The following LRRC4C variants were observed in gnomAD, a reference collection of about 807,000 sequenced individuals.
LRRC4C encodes leucine-rich repeat-containing protein 4C.
Under a neutral mutation model 33.6 loss-of-function variants are expected in LRRC4C, and 5 were observed. That is an observed-to-expected ratio of 0.15 (90% CI 0.08 to 0.31). The LOEUF (loss-of-function observed/expected upper bound fraction) is 0.31. LRRC4C is among the 10% of genes least tolerant of loss of function. The pLI is 1.00. For synonymous variants in LRRC4C, 329 were observed against 302.0 expected, an observed-to-expected ratio of 1.09 and a Z score of -0.93; for missense variants, 560 against 796.7, an observed-to-expected ratio of 0.70 and a Z score of 3.58.
chr11:41,134,265 G>A lies in LRRC4C; in HGVS notation c.-495-200542C>T, dbSNP rs571144747. ...GAGCACACTACTACAACCAGATAAT[G>A]TATTTATTTCTTTATTTTTGTAGAG... On this transcript the variant is annotated intron_variant, in intron 1 of 6. Coordinates refer to ENST00000528697, the MANE Select transcript of LRRC4C (RefSeq NM_001258419.2). Among the ~76,000 whole-genome samples the A allele has an allele frequency of 4.6e-5, 7 of 151,890 alleles. 1 individual carries two copies. The highest frequency in any genetic ancestry group is 1.3e-4 in the Admixed American group (2 of 15,224).
intron 6 of LRRC4C, among the ~76,000 whole-genome samples, chr11:40,137,198 G>A (rs1857041832): frequency 6.6e-6 from 1 of 151,792 alleles, no homozygotes; most frequent in Admixed American, 6.6e-5. Context: ...GTGTATGTGA[G>A]AATAGGAACT....
intron 1 of LRRC4C, among the ~76,000 whole-genome samples, chr11:41,099,834 C>T (rs774160230): frequency 2.0e-5 from 3 of 151,974 alleles, no homozygotes; most frequent in Admixed American, 6.6e-5. Context: ...GAATTTCTGG[C>T]CAGAGCAGTC....
At chr11:40,342,740 A>G (rs959017021) in intron 3 of LRRC4C, among the ~76,000 whole-genome samples, 32 of 152,194 alleles carry the variant, frequency 2.1e-4, no homozygotes, top group Non-Finnish European at 4.3e-4. Context: ...CTCATTTAAA[A>G]GCACATTTTC....
intron 3 of LRRC4C, among the ~76,000 whole-genome samples, chr11:40,505,272 G>A (rs184140745): frequency 6.6e-6 from 1 of 152,044 alleles, no homozygotes; most frequent in African/African-American, 2.4e-5. Flanking sequence ...ATTTCCATTG[G>A]CTCCTTAGGA....
At position 40,936,042 on chromosome 11, in the gene LRRC4C, ATATATATATATATATATATATAT is replaced by A. The variant is rs1565219293; in HGVS notation, c.-495-2342_-495-2320del. ...TATATATATATATATATATATATAT[ATATATATATATATATATATATAT>A]AACATAGTTTGAACCTTAACTCTGT... On this transcript the variant is annotated intron_variant, in intron 1 of 6. Coordinates refer to ENST00000528697, the MANE Select transcript of LRRC4C (RefSeq NM_001258419.2). 1.2e-3 allele frequency among the ~76,000 whole-genome samples: 86 copies of A among 70,272 alleles called. 1 individual carries two copies. The highest frequency in any genetic ancestry group is 8.2e-3 in the East Asian group (21 of 2,568). The allele number at this position is 70,272 out of a possible 152,430, so 46.1% of individuals were successfully genotyped here.
intron 1 of LRRC4C, among the ~76,000 whole-genome samples, chr11:41,443,351 C>T (rs2138561000): frequency 6.6e-6 from 1 of 151,858 alleles, no homozygotes; most frequent in East Asian, 1.9e-4. Flanking sequence ...CTACTGAAAT[C>T]CAAAAAATTT....
rs544812385 is a variant in LRRC4C, at chr11:40,743,507, T to C, written c.-406-95229A>G. ...CTCTTTCCTTGCCTATTCCAGCTTA[T>C]AGAGGCCACCTATATTATAGGGTTG... On this transcript the variant is annotated intron_variant, in intron 2 of 6. Coordinates refer to ENST00000528697, the MANE Select transcript of LRRC4C (RefSeq NM_001258419.2). 5.3e-5 allele frequency among the ~76,000 whole-genome samples: 8 copies of C among 152,166 alleles called. No individual in the cohort carries two copies. The South Asian group carries it at 1.5e-3, about 28-fold the overall frequency.
chr11:41,078,914 T>A (rs963769679), intron 1 of LRRC4C, among the ~76,000 whole-genome samples: 2 of 152,216 alleles, frequency 1.3e-5, no homozygotes, highest in East Asian at 3.8e-4. Flanking sequence ...CCATTCCACC[T>A]TGCCTGCATA....
At chr11:40,624,359 A>C (rs2135970784) in intron 3 of LRRC4C, among the ~76,000 whole-genome samples, 1 of 152,286 alleles carries the variant, frequency 6.6e-6, no homozygotes, top group Admixed American at 6.5e-5. Flanking sequence ...CACCTGAATT[A>C]AAAATCAGAT....
chr11:40,276,991 C>T (rs1048472379), intron 4 of LRRC4C, among the ~76,000 whole-genome samples: 1 of 152,028 alleles, frequency 6.6e-6, no homozygotes, highest in Non-Finnish European at 1.5e-5. Context: ...TCCTGCCTCT[C>T]CCATGTACCA....
At chr11:40,713,791 C>T (rs1946580580) in intron 2 of LRRC4C, among the ~76,000 whole-genome samples, 1 of 152,066 alleles carries the variant, frequency 6.6e-6, no homozygotes. Context: ...TATAGAATTA[C>T]TGTAATTTAT....
intron 2 of LRRC4C, among the ~76,000 whole-genome samples, chr11:40,907,164 T>C (rs771317550): frequency 2.6e-5 from 4 of 152,240 alleles, no homozygotes; most frequent in Non-Finnish European, 4.4e-5. Context: ...TTCAACATCT[T>C]TGGCTGAAAC....
At chr11:41,292,365 A>G (rs1019647207) in intron 1 of LRRC4C, among the ~76,000 whole-genome samples, 7 of 152,078 alleles carry the variant, frequency 4.6e-5, no homozygotes, top group Admixed American at 4.6e-4. Flanking sequence ...GGAGTAGAGC[A>G]GAGCCACAGA....
rs551776081 is a variant in LRRC4C, at chr11:40,827,085, C to T, written c.-407+106550G>A. The stretch of plus-strand genomic sequence containing the variant: ...TACAATAAAGTTAAAGTTTTTGATT[C>T]CCAATATCATAAAAGCATAAACTTA... On this transcript the variant is annotated intron_variant, in intron 2 of 6. Coordinates refer to ENST00000528697, the MANE Select transcript of LRRC4C (RefSeq NM_001258419.2). 9.2e-5 allele frequency among the ~76,000 whole-genome samples: 14 copies of T among 151,860 alleles called. No homozygotes were observed. In the South Asian group the frequency reaches 2.9e-3, roughly 32 times the overall value.
chr11:41,122,167 A>C (rs1942470897), intron 1 of LRRC4C, among the ~76,000 whole-genome samples: 1 of 152,190 alleles, frequency 6.6e-6, no homozygotes, highest in South Asian at 2.1e-4. Context: ...GCTAGCTGAG[A>C]CATCAGGAAA....
chr11:40,241,138 G>T (rs10742533), intron 5 of LRRC4C, among the ~76,000 whole-genome samples: 113,250 of 152,074 alleles, frequency 0.74, 46,102 homozygotes, highest in East Asian at 0.95. Context: ...GAGGCTGAGG[G>T]GGAAGAATTG....
chr11:41,232,898 T>C (rs770287274), intron 1 of LRRC4C, among the ~76,000 whole-genome samples: 21 of 152,022 alleles, frequency 1.4e-4, no homozygotes, highest in Admixed American at 2.6e-4. Flanking sequence ...TTTAGTTAAG[T>C]CAACACTTCT....
At chr11:40,499,669 A>T (rs537066205) in intron 3 of LRRC4C, among the ~76,000 whole-genome samples, 1 of 152,348 alleles carries the variant, frequency 6.6e-6, no homozygotes, top group East Asian at 1.9e-4. Flanking sequence ...AACTGAGATG[A>T]TAATCTCTAA....
At chr11:41,221,860 C>T (rs1947323982) in intron 1 of LRRC4C, among the ~76,000 whole-genome samples, 1 of 152,128 alleles carries the variant, frequency 6.6e-6, no homozygotes, top group African/African-American at 2.4e-5. Flanking sequence ...CCTATAAATA[C>T]CCACACAGAG....
Sources: allele counts gnomAD v4.1 joint callset (sites outside exome capture counted in the v4.1 genomes callset), GRCh38; gene constraint gnomAD v4.1.1; transcripts MANE v1.5; gene names NCBI Gene and HGNC (gene_info 2026-07-23, HGNC 2026-07-21).